Variants in ALDH7A1 observed in about 807,000 individuals in gnomAD.
ALDH7A1 encodes aldehyde dehydrogenase 7 family member A1, also known as alpha-aminoadipic semialdehyde dehydrogenase.
Under a neutral mutation model 79.9 loss-of-function variants are expected in ALDH7A1, and 63 were observed. That is an observed-to-expected ratio of 0.79 (90% CI 0.64 to 0.97). The LOEUF is 0.97. Among genes scored for constraint, ALDH7A1 ranks in the 50% least tolerant of loss-of-function variants. The probability of loss-of-function intolerance (pLI) is 0.00; values close to 1 mark genes in which losing one functional copy is unlikely to be tolerated. For missense variants in ALDH7A1, 627 were observed against 665.2 expected (o/e 0.94, Z 0.63); for synonymous variants, 240 against 231.2 (o/e 1.04, Z -0.34).
intron 10 of ALDH7A1, among the ~76,000 whole-genome samples, chr5:126,559,761 C>T (rs989624875): frequency 1.6e-4 from 24 of 151,942 alleles, no homozygotes; most frequent in African/African-American, 5.8e-4. Context: ...AGTAAAAGAA[C>T]ATCAAAACTA....
rs1217906569 is a variant in ALDH7A1, at chr5:126,593,165, C to A, written c.246+186G>T. Among the ~76,000 whole-genome samples the A allele has an allele frequency of 2.6e-5, 4 of 152,254 alleles. No individual in the cohort carries two copies. In the East Asian group the frequency reaches 5.8e-4, roughly 22 times the overall value. Reference sequence around the variant, plus strand: ...ACGCCCCCACCCAAGAGAGGACAGTCTCCCCCAGACAGTCCTAAATGACAA... The same window carrying A: ...ACGCCCCCACCCAAGAGAGGACAGTATCCCCCAGACAGTCCTAAATGACAA... On this transcript the variant is annotated intron_variant, in intron 2 of 17. Coordinates refer to ENST00000409134, the MANE Select transcript of ALDH7A1 (RefSeq NM_001182.5).
At chr5:126,582,144 A>G in intron 5 of ALDH7A1, 1 of 398,762 alleles carries the variant, frequency 2.5e-6, no homozygotes, top group Middle Eastern at 6.3e-4. Flanking sequence ...ACAACACAGC[A>G]AGATCCTACA....
chr5:126,567,227 A>G lies in ALDH7A1; in HGVS notation c.871+1032T>C, dbSNP rs146152082. Reference sequence around the variant, plus strand: ...AAAATGTGAGGTCCCATTCCAGCCAATGGAAACTGGACACAGCAGTAGGGT... The same window carrying G: ...AAAATGTGAGGTCCCATTCCAGCCAGTGGAAACTGGACACAGCAGTAGGGT... On this transcript the variant is annotated intron_variant, in intron 9 of 17. Transcript: ENST00000409134. Among the ~76,000 whole-genome samples, 149 of 152,290 alleles carry G rather than the reference A, an allele frequency of 9.8e-4. 1 individual carries two copies. Among genetic ancestry groups the G allele is most frequent in the Middle Eastern group, 6.8e-3 (2 of 294 alleles).
In ALDH7A1 at chr5:126,550,220, A is replaced by G. The variant is rs1749944689; in HGVS notation, c.1391T>C (p.Leu464Pro). 1 of 1,613,056 alleles carries G rather than the reference A, an allele frequency of 6.2e-7. No individual in the cohort carries two copies. Among genetic ancestry groups the G allele is most frequent in the African/African-American group, 1.3e-5 (1 of 74,912 alleles). The change falls in exon 15 of 18, where the codon CTG becomes CCG. Residue 464 changes from leucine (L) to proline (P), a missense_variant. Coordinates refer to ENST00000409134, the MANE Select transcript of ALDH7A1 (RefSeq NM_001182.5). ...CCCAAGCCAGCGAAAGATTCTGCCC[A>G]GATCTTTGGTAAAGATGCTACTTGA... is the stretch of plus-strand genomic sequence containing the variant. ...GLSSSIFTKDLGRIFRWLGPK... is the reference protein window; with the variant it reads ...GLSSSIFTKDPGRIFRWLGPK...
intron 9 of ALDH7A1, among the ~76,000 whole-genome samples, chr5:126,563,441 G>A (rs1750467151): frequency 6.6e-6 from 1 of 152,202 alleles, no homozygotes; most frequent in Non-Finnish European, 1.5e-5. Flanking sequence ...TAGGACTCTT[G>A]ACAGACATTG....
intron 17 of ALDH7A1, among the ~76,000 whole-genome samples, chr5:126,546,102 C>T (rs368661938): frequency 1.8e-4 from 28 of 152,246 alleles, no homozygotes; most frequent in African/African-American, 6.0e-4. Flanking sequence ...ACAGAAACCA[C>T]GCACGAGACC....
chr5:126,594,922 C>T (rs1475421841), intron 1 of ALDH7A1, 85 bp downstream of exon 1: 1 of 1,515,000 alleles, frequency 6.6e-7, no homozygotes, highest in Non-Finnish European at 9.0e-7. Flanking sequence ...CATCCAGCGC[C>T]AGCGGGGAGT....
chr5:126,592,459 TG>T (rs1476790548), intron 3 of ALDH7A1: 1 of 594,544 alleles, frequency 1.7e-6, no homozygotes, highest in Non-Finnish European at 3.0e-6. Flanking sequence ...ATTCAATGAA[TG>T]GCAAGTACAA....
chr5:126,590,791 A>G (rs1005372970), intron 3 of ALDH7A1, among the ~76,000 whole-genome samples: 2 of 151,200 alleles, frequency 1.3e-5, no homozygotes, highest in Admixed American at 6.6e-5. Flanking sequence ...GGAGGCTGAG[A>G]TGGGAGGATC....
intron 9 of ALDH7A1, among the ~76,000 whole-genome samples, chr5:126,566,904 A>G (rs751557867): frequency 2.0e-5 from 3 of 152,210 alleles, no homozygotes; most frequent in African/African-American, 7.2e-5. Flanking sequence ...GTACAATTTG[A>G]TAAGTGTAAA....
In ALDH7A1 at chr5:126,542,016, A is replaced by G. The variant is rs986311947; in HGVS notation, c.*2949T>C. The G allele has an allele frequency of 1.3e-5, 2 of 152,064 alleles. No homozygotes were observed. The highest frequency in any genetic ancestry group is 2.9e-5 in the Non-Finnish European group (2 of 68,006). 9.4% of individuals were successfully genotyped at this position (152,064 alleles called of 1,614,324 possible). A position where few individuals can be genotyped will look rare whatever the true frequency, so the allele number is the denominator to read the frequency against. ...ACTGCCTACAACATTTTAAATCTAG[A>G]ATCCTATATTCAATCAATATGGGGA... On this transcript the variant is annotated 3_prime_UTR_variant, in exon 18 of 18. Transcript: ENST00000409134.
At chr5:126,593,670 G>T in intron 1 of ALDH7A1, 2 of 579,766 alleles carry the variant, frequency 3.4e-6, no homozygotes, top group Non-Finnish European at 6.1e-6. Flanking sequence ...AACATAAGCA[G>T]TTATTTTGTC....
At chr5:126,555,353 T>TGCA (rs1750155059) in intron 12 of ALDH7A1, 2 of 154,910 alleles carry the variant, frequency 1.3e-5, no homozygotes, top group South Asian at 3.9e-4. Flanking sequence ...CGTGGTGGAA[T>TGCA]GCACCTGTAA....
At chr5:126,548,611 G>A (rs1378357189) in intron 16 of ALDH7A1, among the ~76,000 whole-genome samples, 1 of 151,926 alleles carries the variant, frequency 6.6e-6, no homozygotes, top group Admixed American at 6.6e-5. Context: ...AATTTTTGTA[G>A]AGATGAGTTT....
Position 126,595,090 on chromosome 5 carries a change from G to A in ALDH7A1, c.109C>T (p.Pro37Ser). 1 of 1,602,248 alleles carries A rather than the reference G, an allele frequency of 6.2e-7. No individual in the cohort carries two copies. ...AGCTCTTTCAGCCACGCATACTGGG[G>A]CTGATTGATGAGGAGAGTGGACATG... ...AFMSTLLINQ[P>S]QYAWLKELGL... is the part of the protein sequence containing the mutation. Residue 37 changes from proline to serine, a missense_variant, in exon 1 of 18, where the codon CCC (proline) becomes TCC (serine). Pro to Ser is a moderately conservative substitution (Grantham distance 74). Transcript: ENST00000409134.
chr5:126,576,975 G>T, intron 6 of ALDH7A1, 104 bp downstream of exon 6: 2 of 1,433,566 alleles, frequency 1.4e-6, no homozygotes, highest in Non-Finnish European at 2.0e-6. Context: ...CAGGTGTGGT[G>T]ATGCACACTT....
intron 7 of ALDH7A1, among the ~76,000 whole-genome samples, chr5:126,571,722 G>A (rs1249688269): frequency 1.3e-5 from 2 of 151,836 alleles, no homozygotes; most frequent in African/African-American, 4.8e-5. Context: ...GAACGATGAA[G>A]GAAATTAGAG....
intron 5 of ALDH7A1, among the ~76,000 whole-genome samples, chr5:126,580,489 T>G (rs1751136552): frequency 2.0e-5 from 3 of 152,122 alleles, no homozygotes; most frequent in Admixed American, 2.0e-4. Context: ...AGATATCTAA[T>G]TAAGGACATT....
rs763915613 is a variant in ALDH7A1, at chr5:126,595,058, G to T, written c.141C>A (p.Leu47=). The T allele has an allele frequency of 2.5e-6, 4 of 1,609,848 alleles. No homozygotes were observed. The highest frequency in any genetic ancestry group is 3.4e-6 in the Non-Finnish European group (4 of 1,178,278). The part of the protein sequence containing the change: ...PQYAWLKELG[L]REENEGVYNG... ...TATACACGCCCTCGTTTTCCTCGCG[G>T]AGCCCCAGCTCTTTCAGCCACGCAT... is the stretch of plus-strand genomic sequence containing the variant. Residue 47 remains leucine (L), a synonymous_variant, in exon 1 of 18, where the codon CTC becomes CTA. Coordinates refer to ENST00000409134, the MANE Select transcript of ALDH7A1 (RefSeq NM_001182.5).
Sources: allele counts gnomAD v4.1 joint callset (sites outside exome capture counted in the v4.1 genomes callset), GRCh38; gene constraint gnomAD v4.1.1; transcripts MANE v1.5; gene names NCBI Gene and HGNC (gene_info 2026-07-23, HGNC 2026-07-21).